Variants in CSRNP3 observed in about 807,000 individuals in gnomAD.
CSRNP3 encodes cysteine and serine rich nuclear protein 3.
A neutral mutation model predicts 48.0 loss-of-function variants in CSRNP3; 12 were observed. That is an observed-to-expected ratio of 0.25 (90% CI 0.16 to 0.41). The LOEUF (loss-of-function observed/expected upper bound fraction) is 0.41. Ranked by LOEUF, CSRNP3 falls within the 10% of genes least tolerant of loss-of-function variation. CSRNP3 has a pLI of 1.00. For missense variants in CSRNP3, 580 were observed against 724.4 expected (o/e 0.80, Z 2.29); for synonymous variants, 263 against 269.7 (o/e 0.98, Z 0.24).
intron 4 of CSRNP3, among the ~76,000 whole-genome samples, chr2:165,607,272 A>G (rs1686047675): frequency 1.3e-5 from 2 of 152,100 alleles, no homozygotes; most frequent in Non-Finnish European, 2.9e-5. Flanking sequence ...CATTCCTATT[A>G]GGAAAGGGCA....
rs1687669637 is a variant in CSRNP3, at chr2:165,688,678, C to A, written c.*8925C>A. On this transcript the variant is annotated 3_prime_UTR_variant, in exon 7 of 7. Transcript: ENST00000651982. ...GAATGTATTGGTAGATCAAATGATC[C>A]AAAGGACTTGGGTGTTATCCTTCAG... 1 of 151,840 alleles carries A rather than the reference C, an allele frequency of 6.6e-6. No homozygotes were observed. The highest frequency in any genetic ancestry group is 2.4e-5 in the African/African-American group (1 of 41,354). The allele number at this position is 151,840 out of a possible 1,614,324, so 9.4% of individuals were successfully genotyped here. A position where few individuals can be genotyped will look rare whatever the true frequency, so the allele number is the denominator to read the frequency against.
chr2:165,651,826 T>C (rs973078575), intron 4 of CSRNP3, among the ~76,000 whole-genome samples: 36 of 151,942 alleles, frequency 2.4e-4, no homozygotes, highest in African/African-American at 8.0e-4. Context: ...CGGCTAATTT[T>C]TGTATTTTTA....
chr2:165,670,709 T>C (rs1687313905), intron 5 of CSRNP3, among the ~76,000 whole-genome samples: 1 of 152,224 alleles, frequency 6.6e-6, no homozygotes, highest in South Asian at 2.1e-4. Flanking sequence ...ATGCGAAAGC[T>C]GTTATTAATA....
rs1313074022 is a variant in CSRNP3 at position 165,517,953 on chromosome 2, G to A, written c.-32G>A. On this transcript the variant is annotated 5_prime_UTR_variant, in exon 3 of 7. Transcript: ENST00000651982. ...TTCAGGAAAATACTGGAGTTCCTGA[G>A]ATCTCAAGGTTAGCAGTTTATACAT... 6.6e-6 allele frequency: 1 copy of A among 152,248 alleles called. No homozygotes were observed. Among genetic ancestry groups the A allele is most frequent in the Non-Finnish European group, 1.5e-5 (1 of 67,794 alleles). 9.4% of individuals were successfully genotyped at this position (152,248 alleles called of 1,614,324 possible). A position where few individuals can be genotyped will look rare whatever the true frequency, so the allele number is the denominator to read the frequency against.
chr2:165,588,433 C>T (rs904171345), intron 3 of CSRNP3, among the ~76,000 whole-genome samples: 4 of 152,324 alleles, frequency 2.6e-5, no homozygotes, highest in Non-Finnish European at 4.4e-5. Flanking sequence ...ACCTTGAAAA[C>T]GCATTGAAAG....
chr2:165,657,795 G>T lies in CSRNP3; in HGVS notation c.183G>T (p.Arg61Ser). ...TTCTCAAAAGGGAGAAACGACTGAG[G>T]ACAAAGAATGTACATTTTAGTTGTG... ...SSILKREKRL[R>S]TKNVHFSCVT... Residue 61 changes from arginine (R) to serine (S), a missense_variant, in exon 5 of 7, where the codon AGG becomes AGT. By Grantham distance (110) the Arg-to-Ser change is moderately radical (BLOSUM62 -1). Coordinates refer to ENST00000651982, the MANE Select transcript of CSRNP3 (RefSeq NM_001172173.2). The T allele has an allele frequency of 6.2e-7, 1 of 1,614,014 alleles. No individual in the cohort carries two copies.
chr2:165,659,855 T>C (rs1687068029), intron 5 of CSRNP3, among the ~76,000 whole-genome samples: 1 of 152,206 alleles, frequency 6.6e-6, no homozygotes, highest in African/African-American at 2.4e-5. Flanking sequence ...CAAAACATCT[T>C]GTTTTCATGT....
chr2:165,602,210 A>G (rs1223336544), intron 4 of CSRNP3, among the ~76,000 whole-genome samples: 1 of 152,162 alleles, frequency 6.6e-6, no homozygotes, highest in African/African-American at 2.4e-5. Flanking sequence ...ATGACGCTCA[A>G]AAGATCCTTT....
intron 5 of CSRNP3, among the ~76,000 whole-genome samples, chr2:165,662,669 A>T (rs1283674733): frequency 6.6e-6 from 1 of 152,220 alleles, no homozygotes; most frequent in African/African-American, 2.4e-5. Flanking sequence ...GTTTTAAAGA[A>T]CATTGGTGTT....
intron 3 of CSRNP3, among the ~76,000 whole-genome samples, chr2:165,529,564 T>C (rs1424347298): frequency 6.6e-6 from 1 of 152,328 alleles, no homozygotes; most frequent in South Asian, 2.1e-4. Context: ...ATTGGCAGCA[T>C]GGATATGAAC....
intron 1 of CSRNP3, among the ~76,000 whole-genome samples, chr2:165,490,028 T>G (rs1329001348): frequency 1.3e-5 from 2 of 152,094 alleles, no homozygotes; most frequent in Non-Finnish European, 2.9e-5. Context: ...GCAGATGACA[T>G]GATTGTTTAT....
In CSRNP3 at chr2:165,681,139, G is replaced by C. The variant is rs1453055295; in HGVS notation, c.*1386G>C. The C allele has an allele frequency of 6.6e-6, 1 of 152,110 alleles. No individual in the cohort carries two copies. Among genetic ancestry groups the C allele is most frequent in the Non-Finnish European group, 1.5e-5 (1 of 68,028 alleles). 9.4% of individuals were successfully genotyped at this position (152,110 alleles called of 1,614,324 possible). On this transcript the variant is annotated 3_prime_UTR_variant, in exon 7 of 7. Coordinates refer to ENST00000651982, the MANE Select transcript of CSRNP3 (RefSeq NM_001172173.2). ...CCCCACCTTTAGATTACCTGCACTT[G>C]GTTCGTCGGAGGACTTCTAGGATCC...
intron 3 of CSRNP3, among the ~76,000 whole-genome samples, chr2:165,550,315 G>C (rs914866827): frequency 3.9e-5 from 6 of 152,178 alleles, no homozygotes; most frequent in Non-Finnish European, 8.8e-5. Flanking sequence ...CTATTTTAGA[G>C]AGCATGTCAA....
intron 2 of CSRNP3, among the ~76,000 whole-genome samples, chr2:165,513,910 T>TA (rs1558921413): frequency 6.6e-6 from 1 of 152,224 alleles, no homozygotes; most frequent in South Asian, 2.1e-4. Flanking sequence ...TTCCACAAGT[T>TA]AAAAAACTGG....
chr2:165,643,496 A>G (rs1389745510), intron 4 of CSRNP3, among the ~76,000 whole-genome samples: 5 of 152,188 alleles, frequency 3.3e-5, no homozygotes, highest in African/African-American at 4.8e-5. Context: ...GGGATCAAGG[A>G]GTACCAACAG....
chr2:165,574,440 A>G (rs911666506), intron 3 of CSRNP3: 1 of 1,531,378 alleles, frequency 6.5e-7, no homozygotes, highest in Non-Finnish European at 8.8e-7. Context: ...AGGTATGGTG[A>G]CATTTCATGA....
chr2:165,570,791 G>A (rs1379240196), intron 3 of CSRNP3, among the ~76,000 whole-genome samples: 1 of 151,530 alleles, frequency 6.6e-6, no homozygotes, highest in Non-Finnish European at 1.5e-5. Context: ...TGAACATTTT[G>A]GGACAAATGC....
intron 3 of CSRNP3, among the ~76,000 whole-genome samples, chr2:165,582,314 T>G (rs1685561188): frequency 6.6e-6 from 1 of 152,206 alleles, no homozygotes. Flanking sequence ...TTATTATAAA[T>G]GGAATGAGGC....
intron 4 of CSRNP3, among the ~76,000 whole-genome samples, chr2:165,653,611 A>T (rs1233516055): frequency 6.6e-6 from 1 of 152,146 alleles, no homozygotes; most frequent in Non-Finnish European, 1.5e-5. Context: ...GCAGGTGGAG[A>T]TCTAAATACA....
Sources: allele counts gnomAD v4.1 joint callset (sites outside exome capture counted in the v4.1 genomes callset), GRCh38; gene constraint gnomAD v4.1.1; transcripts MANE v1.5; gene names NCBI Gene and HGNC (gene_info 2026-07-23, HGNC 2026-07-21).